TMEM150C: variants seen among roughly 807,000 people sequenced by gnomAD.
The protein encoded by TMEM150C is tentonin 3.
In TMEM150C, 10 loss-of-function variants were observed where a neutral mutation model predicts 29.9. The ratio of observed to expected loss-of-function variants is 0.33; its 90% CI spans 0.21 to 0.57. The LOEUF (loss-of-function observed/expected upper bound fraction) is 0.57, where lower values mean the gene tolerates loss of function less well. Ranked by LOEUF, TMEM150C falls within the 20% of genes least tolerant of loss-of-function variation. The pLI, the probability that TMEM150C is intolerant of heterozygous loss-of-function variation, is 0.88. For synonymous variants in TMEM150C, 101 were observed against 112.5 expected (o/e 0.90, Z 0.64); for missense variants, 251 against 303.6 (o/e 0.83, Z 1.29).
chr4:82,546,313 T>C (rs538082466), intron 1 of TMEM150C, among the ~76,000 whole-genome samples: 1 of 152,272 alleles, frequency 6.6e-6, no homozygotes, highest in African/African-American at 2.4e-5. Flanking sequence ...ACCAGAGGTA[T>C]CACATTACCC....
chr4:82,495,051 A>G lies in TMEM150C; in HGVS notation c.363+1017T>C, dbSNP rs954907396. On this transcript the variant is annotated intron_variant, in intron 6 of 7. Coordinates refer to ENST00000449862, the MANE Select transcript of TMEM150C (RefSeq NM_001080506.3). Reference sequence around the variant, plus strand: ...GTGCTGCAGGACACGTGGAGTAACAAGATGCTGAATCTTGGGTGCTTTGGT... The same window carrying G: ...GTGCTGCAGGACACGTGGAGTAACAGGATGCTGAATCTTGGGTGCTTTGGT... 1.9e-5 allele frequency: 23 copies of G among 1,229,710 alleles called. No individual in the cohort carries two copies. The East Asian group carries it at 6.1e-4, about 32-fold the overall frequency. 76.2% of individuals were successfully genotyped at this position (1,229,710 alleles called of 1,614,324 possible). A position where few individuals can be genotyped will look rare whatever the true frequency, so the allele number is the denominator to read the frequency against.
intron 1 of TMEM150C, among the ~76,000 whole-genome samples, chr4:82,522,295 A>G (rs1195122416): frequency 5.3e-5 from 8 of 152,208 alleles, no homozygotes; most frequent in Admixed American, 5.2e-4. Flanking sequence ...ATGTAGAGAG[A>G]CGAAAACACT....
intron 6 of TMEM150C, chr4:82,491,486 G>C: frequency 1.5e-6 from 1 of 682,374 alleles, no homozygotes; most frequent in East Asian, 2.5e-5. Context: ...AGCGAGTGAG[G>C]TCACTTTTGG....
At chr4:82,508,250 C>T (rs1724003040) in intron 1 of TMEM150C, among the ~76,000 whole-genome samples, 2 of 152,136 alleles carry the variant, frequency 1.3e-5, no homozygotes, top group Admixed American at 1.3e-4. Flanking sequence ...ACATTTCCCT[C>T]TTTAAGGAAA....
intron 2 of TMEM150C, 117 bp downstream of exon 2, chr4:82,504,461 A>G: frequency 1.3e-5 from 9 of 667,774 alleles, no homozygotes; most frequent in Non-Finnish European, 2.5e-6. Context: ...TCGGCCTCCC[A>G]AAGTGCTGAG....
intron 1 of TMEM150C, among the ~76,000 whole-genome samples, chr4:82,525,099 G>C (rs1196911253): frequency 6.6e-6 from 1 of 152,204 alleles, no homozygotes; most frequent in Non-Finnish European, 1.5e-5. Flanking sequence ...GGAGGTAGGA[G>C]GTGACCATAC....
At chr4:82,512,472 C>T (rs543429043) in intron 1 of TMEM150C, among the ~76,000 whole-genome samples, 11 of 152,296 alleles carry the variant, frequency 7.2e-5, no homozygotes, top group East Asian at 1.9e-4. Context: ...CATTATAATT[C>T]GGTAAGCGGC....
intron 1 of TMEM150C, among the ~76,000 whole-genome samples, chr4:82,549,353 G>C (rs1052072092): frequency 6.6e-6 from 1 of 152,190 alleles, no homozygotes; most frequent in African/African-American, 2.4e-5. Flanking sequence ...GGTGAAATAA[G>C]CCAGCCACAA....
intron 1 of TMEM150C, among the ~76,000 whole-genome samples, chr4:82,536,877 C>T (rs115648493): frequency 0.016 from 2,453 of 152,160 alleles, 81 homozygotes; most frequent in African/African-American, 0.056. Context: ...AGCACTAATG[C>T]ATCAAAAGAA....
intron 1 of TMEM150C, among the ~76,000 whole-genome samples, chr4:82,520,166 T>C (rs1038676204): frequency 2.0e-5 from 3 of 152,218 alleles, no homozygotes; most frequent in African/African-American, 7.2e-5. Flanking sequence ...AGACATGCAA[T>C]TCATAATTGG....
rs572134368 is a variant in TMEM150C at position 82,483,578 on chromosome 4, T to A, written c.*1933A>T. ...TCCTGTCTCACATGAAACAGCCATC[T>A]TCCATGCTCTCTCACTCATCTTTGA... is the stretch of plus-strand genomic sequence containing the variant. On this transcript the variant is annotated 3_prime_UTR_variant, in exon 8 of 8. Transcript: ENST00000449862. The A allele has an allele frequency of 6.6e-6, 1 of 152,278 alleles. No homozygotes were observed. The highest frequency in any genetic ancestry group is 6.5e-5 in the Admixed American group (1 of 15,300). 9.4% of individuals were successfully genotyped at this position (152,278 alleles called of 1,614,324 possible).
Position 82,499,124 on chromosome 4 carries a change from C to T in TMEM150C, c.236-2929G>A, listed in dbSNP as rs114715436. ...TGCCCCTATAACAGTTTTACTAACA[C>T]TTAGGTATGAATGGAGGCAGATTTG... On this transcript the variant is annotated intron_variant, in intron 5 of 7. Coordinates refer to ENST00000449862, the MANE Select transcript of TMEM150C (RefSeq NM_001080506.3). 1.6e-3 allele frequency among the ~76,000 whole-genome samples: 251 copies of T among 152,190 alleles called. 2 individuals carry two copies. Among genetic ancestry groups the T allele is most frequent in the African/African-American group, 5.5e-3 (230 of 41,526 alleles).
intron 1 of TMEM150C, among the ~76,000 whole-genome samples, chr4:82,534,976 A>C (rs1724961344): frequency 1.3e-5 from 2 of 152,194 alleles, no homozygotes; most frequent in African/African-American, 4.8e-5. Context: ...AACTGAATAA[A>C]CAGCACCAAG....
Position 82,485,630 on chromosome 4 carries a change from A to G in TMEM150C, c.631T>C (p.Phe211Leu). 1 of 1,610,212 alleles carries G rather than the reference A, an allele frequency of 6.2e-7. No homozygotes were observed. Among genetic ancestry groups the G allele is most frequent in the Non-Finnish European group, 8.5e-7 (1 of 1,178,252 alleles). ...VMCFLSYFGTFAVEFRHYRYE... is the reference protein window; with the variant it reads ...VMCFLSYFGTLAVEFRHYRYE... Reference sequence around the variant, plus strand: ...CGGTAATGCCGGAACTCCACGGCAAAGGTGCCAAAATAAGACAGGAAGCAC... The same window carrying G: ...CGGTAATGCCGGAACTCCACGGCAAGGGTGCCAAAATAAGACAGGAAGCAC... The change falls in exon 8 of 8, where the codon TTT becomes CTT. Residue 211 changes from phenylalanine (F) to leucine (L), a missense_variant. Phe to Leu is a conservative substitution (Grantham distance 22, BLOSUM62 0). Transcript: ENST00000449862.
chr4:82,556,077 G>A (rs976083055), intron 1 of TMEM150C, among the ~76,000 whole-genome samples: 1 of 151,732 alleles, frequency 6.6e-6, no homozygotes, highest in African/African-American at 2.4e-5. Context: ...CCGGGGTCCT[G>A]TTTTTCTAGT....
chr4:82,509,671 T>C (rs1043737980), intron 1 of TMEM150C: 3 of 152,038 alleles, frequency 2.0e-5, no homozygotes, highest in African/African-American at 7.2e-5. Flanking sequence ...GGCACGCACC[T>C]GTAGTCCCAG....
intron 1 of TMEM150C, among the ~76,000 whole-genome samples, chr4:82,557,588 G>T (rs899733203): frequency 1.3e-5 from 2 of 152,102 alleles, no homozygotes; most frequent in Non-Finnish European, 2.9e-5. Context: ...GAGGGGCCAG[G>T]CATCTAAACA....
chr4:82,561,508 G>A (rs1725925522), intron 1 of TMEM150C, among the ~76,000 whole-genome samples: 1 of 151,922 alleles, frequency 6.6e-6, no homozygotes, highest in Non-Finnish European at 1.5e-5. Context: ...ACCCGATAAC[G>A]AGATGATGGG....
At chr4:82,556,985 G>C (rs1725757274) in intron 1 of TMEM150C, among the ~76,000 whole-genome samples, 1 of 152,120 alleles carries the variant, frequency 6.6e-6, no homozygotes, top group African/African-American at 2.4e-5. Flanking sequence ...CCAGAGGAGG[G>C]GAACCCCCAG....
Sources: allele counts gnomAD v4.1 joint callset (sites outside exome capture counted in the v4.1 genomes callset), GRCh38; gene constraint gnomAD v4.1.1; transcripts MANE v1.5; gene names NCBI Gene and HGNC (gene_info 2026-07-23, HGNC 2026-07-21).